Variants in ARHGEF10L observed in about 807,000 individuals in gnomAD.
ARHGEF10L encodes the protein Rho guanine nucleotide exchange factor 10 like, also known as rho guanine nucleotide exchange factor 10-like protein.
A neutral mutation model predicts 141.2 loss-of-function variants in ARHGEF10L; 69 were observed. The observed-to-expected ratio is 0.49, with a 90% CI of 0.40 to 0.60. ARHGEF10L has a LOEUF of 0.60. Ranked by LOEUF, ARHGEF10L falls within the 20% of genes least tolerant of loss-of-function variation. The pLI is 0.00. For missense variants in ARHGEF10L, 1,482 were observed against 1,734.3 expected (o/e 0.85, Z 2.58); for synonymous variants, 711 against 718.5 (o/e 0.99, Z 0.17).
At position 17,656,550 on chromosome 1, in the gene ARHGEF10L, G is replaced by A. The variant is rs201335446; in HGVS notation, c.2706-4G>A. The A allele has an allele frequency of 1.2e-4, 199 of 1,607,544 alleles. 4 individuals carry two copies. The South Asian group carries it at 1.3e-3, about 10-fold the overall frequency. On this transcript the variant is annotated splice_region_variant and splice_polypyrimidine_tract_variant and intron_variant, in intron 24 of 28. Transcript: ENST00000361221. This position sits in a 1 kb window ranked among gnomAD's most constrained non-coding sequence, Gnocchi z 4.9. ...ATGACCGCTTCTCCAACCTCTCCCC[G>A]CAGCATCCTCCTCTACAGCAGTGTG... is the stretch of plus-strand genomic sequence containing the variant.
intron 27 of ARHGEF10L, among the ~76,000 whole-genome samples, chr1:17,693,656 G>T (rs2065269145): frequency 6.6e-6 from 1 of 152,196 alleles, no homozygotes; most frequent in South Asian, 2.1e-4. Flanking sequence ...ATCCGTGCCT[G>T]GAAAATGGGG....
At chr1:17,633,541 G>T (rs183552383) in intron 16 of ARHGEF10L, among the ~76,000 whole-genome samples, 1,760 of 151,898 alleles carry the variant, frequency 0.012, 16 homozygotes, top group South Asian at 0.028. Flanking sequence ...TTATTAGAGA[G>T]GGGTTTCACC....
At chr1:17,620,736 G>A (rs1183496032) in intron 10 of ARHGEF10L, among the ~76,000 whole-genome samples, 1 of 152,124 alleles carries the variant, frequency 6.6e-6, no homozygotes, top group Non-Finnish European at 1.5e-5. Flanking sequence ...GGTAGAGTAG[G>A]GGGTCAGTCA....
At chr1:17,648,090 T>C (rs548352832) in intron 21 of ARHGEF10L, among the ~76,000 whole-genome samples, 1 of 152,362 alleles carries the variant, frequency 6.6e-6, no homozygotes, top group African/African-American at 2.4e-5. Context: ...GGCGACCTCC[T>C]GTCCTCTGAT....
chr1:17,534,161 C>T, the ARHGEF10L span, among the ~76,000 whole-genome samples: 1 of 151,930 alleles, frequency 6.6e-6, no homozygotes, highest in African/African-American at 2.4e-5. Context: ...CTCACTTTGT[C>T]ACCCAGGCTG....
chr1:17,657,181 G>A (rs2062319258), intron 25 of ARHGEF10L, among the ~76,000 whole-genome samples: 1 of 152,148 alleles, frequency 6.6e-6, no homozygotes, highest in Admixed American at 6.5e-5. Context: ...TTTCCATCTG[G>A]GTTGTTTTAT....
At chr1:17,630,463 C>A (rs1011086796) in intron 15 of ARHGEF10L, among the ~76,000 whole-genome samples, 1 of 152,162 alleles carries the variant, frequency 6.6e-6, no homozygotes, top group Non-Finnish European at 1.5e-5. Context: ...CTTGAGTTGG[C>A]GTTTGGTTTC....
chr1:17,596,749 A>G (rs2080145875), intron 4 of ARHGEF10L, among the ~76,000 whole-genome samples: 1 of 152,082 alleles, frequency 6.6e-6, no homozygotes. Context: ...TATCTTTAAA[A>G]CAGGCTGGGG....
intron 18 of ARHGEF10L, among the ~76,000 whole-genome samples, chr1:17,635,805 G>A (rs1291087789): frequency 6.6e-6 from 1 of 152,192 alleles, no homozygotes; most frequent in African/African-American, 2.4e-5. Context: ...TTGAATGCAT[G>A]CAGGATGCTA....
exon 1 of ARHGEF10L, among the ~76,000 whole-genome samples, chr1:17,539,682 GGGCGGGGGCGGCGCCGCGTCGCGCAC>G (rs1359059914): frequency 6.8e-6 from 1 of 146,940 alleles, no homozygotes; most frequent in Non-Finnish European, 1.5e-5. This position sits in a 1 kb window ranked among gnomAD's most constrained non-coding sequence, Gnocchi z 6.0. Flanking sequence ...GGGACCGGGC[GGGCGGGGGCGGCGCCGCGTCGCGCAC>G]GGCGGCGGCG....
intron 22 of ARHGEF10L, among the ~76,000 whole-genome samples, chr1:17,650,977 C>T (rs950525148): frequency 1.2e-4 from 18 of 152,188 alleles, no homozygotes; most frequent in Middle Eastern, 3.2e-3. Flanking sequence ...GGTTTGGCCG[C>T]TCTTTTTGTC....
At chr1:17,648,714 G>A (rs1394103483) in intron 22 of ARHGEF10L, 39 bp downstream of exon 22, 1 of 1,599,384 alleles carries the variant, frequency 6.3e-7, no homozygotes, top group East Asian at 2.2e-5. Context: ...CCTCGAAGGT[G>A]GCTGCGGCTC....
rs1266923726 is a variant in ARHGEF10L, at chr1:17,627,061, A to G, written c.1411-269A>G. On this transcript the variant is annotated intron_variant, in intron 14 of 28. Coordinates refer to ENST00000361221, the MANE Select transcript of ARHGEF10L (RefSeq NM_018125.4). The surrounding 1 kb of genome is among the most constrained non-coding windows in gnomAD (Gnocchi z 4.0). ...TTTGGCGACTGTGGCTAATGCTGCT[A>G]TGAACATGGCTGGACAAATATCTGT... Among the ~76,000 whole-genome samples, 1 of 152,270 alleles carries G rather than the reference A, an allele frequency of 6.6e-6. No homozygotes were observed. Among genetic ancestry groups the G allele is most frequent in the Non-Finnish European group, 1.5e-5 (1 of 68,048 alleles).
Position 17,627,557 on chromosome 1 carries a change from C to T in ARHGEF10L, c.1584+54C>T. On this transcript the variant is annotated intron_variant, in intron 15 of 28. Transcript: ENST00000361221. The surrounding 1 kb of genome is among the most constrained non-coding windows in gnomAD (Gnocchi z 4.0). ...TCACCTGCCTGCCCTCACCTGTGCT[C>T]CTGCCCGTGCCCCTGCCCCACGCCA... 1 of 1,575,414 alleles carries T rather than the reference C, an allele frequency of 6.3e-7. No homozygotes were observed. Among genetic ancestry groups the T allele is most frequent in the Non-Finnish European group, 8.6e-7 (1 of 1,159,392 alleles).
intron 12 of ARHGEF10L, 148 bp from the exon 13 acceptor site, chr1:17,624,239 C>T (rs144714845): frequency 1.1e-5 from 8 of 701,950 alleles, no homozygotes; most frequent in Non-Finnish European, 1.8e-5. Flanking sequence ...TGGATTTGCA[C>T]AGCTCGAGGT....
intron 14 of ARHGEF10L, 36 bp downstream of exon 14, chr1:17,626,084 G>T: frequency 6.2e-7 from 1 of 1,605,120 alleles, no homozygotes. Flanking sequence ...CAACCCACAG[G>T]GTTTGCCTGT....
At position 17,558,632 on chromosome 1, in the gene ARHGEF10L, T is replaced by C. The variant is rs1570458861; in HGVS notation, c.-44+18682T>C. 6.6e-6 allele frequency among the ~76,000 whole-genome samples: 1 copy of C among 152,364 alleles called. No homozygotes were observed. The highest frequency in any genetic ancestry group is 2.4e-5 in the African/African-American group (1 of 41,594). On this transcript the variant is annotated intron_variant, in intron 1 of 28. Transcript: ENST00000361221. This position sits in a 1 kb window ranked among gnomAD's most constrained non-coding sequence, Gnocchi z 4.2. ...GTCTTGCCTTTGGGAAGGCAGGTCA[T>C]CGTGGCTGGGGCAGGTGGGGACCTT...
intron 4 of ARHGEF10L, among the ~76,000 whole-genome samples, chr1:17,598,592 C>T (rs537182388): frequency 1.3e-5 from 2 of 152,274 alleles, no homozygotes; most frequent in South Asian, 4.1e-4. Flanking sequence ...ACCATGGGGG[C>T]TCTGCTCTTA....
chr1:17,569,013 T>C (rs1184987787), intron 1 of ARHGEF10L, among the ~76,000 whole-genome samples: 1 of 152,230 alleles, frequency 6.6e-6, no homozygotes, highest in Admixed American at 6.5e-5. Context: ...CTGATCCTGA[T>C]GGATCTTTCC....
Sources: allele counts gnomAD v4.1 joint callset (sites outside exome capture counted in the v4.1 genomes callset), GRCh38; gene constraint gnomAD v4.1.1; non-coding constraint Gnocchi (gnomAD v3.1); transcripts MANE v1.5; gene names NCBI Gene and HGNC (gene_info 2026-07-23, HGNC 2026-07-21).